Variants in XPO7 observed in about 807,000 individuals in gnomAD.
XPO7 encodes exportin-7.
Under a neutral mutation model 144.3 loss-of-function variants are expected in XPO7, and 21 were observed. The observed-to-expected ratio is 0.15, with a 90% CI of 0.10 to 0.21. The LOEUF is 0.21. Among genes scored for constraint, XPO7 ranks in the 10% least tolerant of loss-of-function variants. The pLI, the probability that XPO7 is intolerant of heterozygous loss-of-function variation, is 1.00. For synonymous variants in XPO7, 580 were observed against 499.6 expected (o/e 1.16, Z -2.15); for missense variants, 808 against 1,325.8 (o/e 0.61, Z 6.06).
At chr8:21,993,463 C>A (rs1350109915) in intron 19 of XPO7, among the ~76,000 whole-genome samples, 2 of 152,180 alleles carry the variant, frequency 1.3e-5, no homozygotes, top group Non-Finnish European at 2.9e-5. Flanking sequence ...AATGTACAAC[C>A]TTCTTGAGCA....
chr8:21,979,878 A>G (rs541073335), intron 8 of XPO7, among the ~76,000 whole-genome samples: 17 of 152,174 alleles, frequency 1.1e-4, no homozygotes, highest in Non-Finnish European at 2.2e-4. Flanking sequence ...GGAGTGGTCA[A>G]AGGAATTTGT....
intron 1 of XPO7, among the ~76,000 whole-genome samples, chr8:21,924,038 C>T (rs1810378670): frequency 6.6e-6 from 1 of 152,180 alleles, no homozygotes; most frequent in African/African-American, 2.4e-5. Flanking sequence ...TGCAGTCAAA[C>T]TCTCAGCTGG....
rs766700258 is a variant in XPO7 at position 21,991,865 on chromosome 8, C to T, written c.2042-3C>T. 2 of 1,607,556 alleles carry T rather than the reference C, an allele frequency of 1.2e-6. No individual in the cohort carries two copies. The highest frequency in any genetic ancestry group is 2.2e-5 in the South Asian group (2 of 89,956). On this transcript the variant is annotated splice_polypyrimidine_tract_variant and splice_region_variant and intron_variant, in intron 18 of 27. Transcript: ENST00000252512. ...GTTACACCCTGGGATGTTTCCTTTACAGGAGAGGATGAAGATCAGTATGAG... is the reference window on the plus strand; with the variant it reads ...GTTACACCCTGGGATGTTTCCTTTATAGGAGAGGATGAAGATCAGTATGAG...
At position 22,003,268 on chromosome 8, in the gene XPO7, A is replaced by G. The variant is rs1290907294; in HGVS notation, c.2993A>G (p.Gln998Arg). Residue 998 changes from glutamine (Q) to arginine (R), a missense_variant, in exon 26 of 28, where the codon CAG (glutamine) becomes CGG (arginine). Gln to Arg is a conservative substitution (Grantham distance 43). Coordinates refer to ENST00000252512, the MANE Select transcript of XPO7 (RefSeq NM_015024.5). ...ATCATCTTTGAAGACTGTAGGAACCAGTGGTCTATGTCCCGACCACTACTT... is the reference window on the plus strand; with the variant it reads ...ATCATCTTTGAAGACTGTAGGAACCGGTGGTCTATGTCCCGACCACTACTT... ...NIIIFEDCRN[Q>R]WSMSRPLLGL... 6.2e-7 allele frequency: 1 copy of G among 1,613,438 alleles called. No homozygotes were observed. The highest frequency in any genetic ancestry group is 1.7e-5 in the Admixed American group (1 of 59,936).
chr8:22,001,813 C>T lies in XPO7; in HGVS notation c.2783-299C>T, dbSNP rs937571775. Among the ~76,000 whole-genome samples the T allele has an allele frequency of 3.3e-5, 5 of 152,192 alleles. No individual in the cohort carries two copies. The East Asian group carries it at 9.6e-4, about 29-fold the overall frequency. Reference sequence around the variant, plus strand: ...AAAGTACTTAGCACAACATCTGGCACAAAAGAAGCACTTGCTGAATCAAAC... The same window carrying T: ...AAAGTACTTAGCACAACATCTGGCATAAAAGAAGCACTTGCTGAATCAAAC... On this transcript the variant is annotated intron_variant, in intron 24 of 27. Coordinates refer to ENST00000252512, the MANE Select transcript of XPO7 (RefSeq NM_015024.5).
At chr8:21,943,350 A>G (rs939332682) in intron 1 of XPO7, among the ~76,000 whole-genome samples, 1 of 152,220 alleles carries the variant, frequency 6.6e-6, no homozygotes, top group Non-Finnish European at 1.5e-5. Context: ...TGAATTAAAT[A>G]AAATATTTGG....
In XPO7 at chr8:21,919,792, A is replaced by C; in HGVS notation, c.18+4A>C. ...CAAAATGGCGGATCATGTGCAGGTG[A>C]GAGGAGCCGCGGGGGGGAGGGGGCG... On this transcript the variant is annotated splice_donor_region_variant and intron_variant, in intron 1 of 27. Coordinates refer to ENST00000252512, the MANE Select transcript of XPO7 (RefSeq NM_015024.5). The C allele has an allele frequency of 3.9e-6, 2 of 507,894 alleles. No individual in the cohort carries two copies. Among genetic ancestry groups the C allele is most frequent in the Non-Finnish European group, 2.9e-6 (1 of 340,582 alleles). 31.5% of individuals were successfully genotyped at this position (507,894 alleles called of 1,614,324 possible).
intron 18 of XPO7, among the ~76,000 whole-genome samples, chr8:21,991,324 C>T (rs1398523101): frequency 1.3e-5 from 2 of 152,190 alleles, no homozygotes; most frequent in Admixed American, 1.3e-4. Context: ...AGGGCTTTAT[C>T]ACTTTTGTAG....
intron 1 of XPO7, among the ~76,000 whole-genome samples, chr8:21,923,081 G>T (rs932021904): frequency 1.3e-5 from 2 of 152,134 alleles, no homozygotes; most frequent in African/African-American, 4.8e-5. Flanking sequence ...AAGTGCTATG[G>T]GTAGTCCATT....
chr8:21,932,206 T>G (rs978679075), intron 1 of XPO7, among the ~76,000 whole-genome samples: 2 of 152,292 alleles, frequency 1.3e-5, no homozygotes, highest in Admixed American at 6.5e-5. Context: ...CTGGTCTTCC[T>G]TATTTGCTGA....
chr8:21,993,354 A>C (rs535748289), intron 19 of XPO7, among the ~76,000 whole-genome samples: 2 of 152,280 alleles, frequency 1.3e-5, no homozygotes, highest in South Asian at 4.1e-4. Context: ...TAGACTGGAA[A>C]ACTGAGCTTG....
chr8:22,003,176 A>G, intron 25 of XPO7, 43 bp from the exon 26 acceptor site: 1 of 1,495,178 alleles, frequency 6.7e-7, no homozygotes, highest in Non-Finnish European at 9.2e-7. Context: ...CTTGGGTAGC[A>G]ATACATTAGG....
At chr8:21,994,841 C>T (rs1271810244) in intron 20 of XPO7, among the ~76,000 whole-genome samples, 2 of 152,062 alleles carry the variant, frequency 1.3e-5, no homozygotes, top group Non-Finnish European at 2.9e-5. Flanking sequence ...ATCACGAGGT[C>T]AGGAGATCGA....
chr8:21,997,281 A>T (rs935706385), intron 21 of XPO7, among the ~76,000 whole-genome samples: 9 of 152,182 alleles, frequency 5.9e-5, no homozygotes, highest in African/African-American at 2.2e-4. Flanking sequence ...ACCCTCTTTG[A>T]TGTTACAAAT....
rs140721625 is a variant in XPO7, at chr8:21,973,332, T to G, written c.493-1338T>G. 1.7e-3 allele frequency among the ~76,000 whole-genome samples: 264 copies of G among 152,358 alleles called. 1 individual carries two copies. The highest frequency in any genetic ancestry group is 5.9e-3 in the African/African-American group (245 of 41,586). ...AATAAAAAACTTCAAGATTTTACTT[T>G]TCTAAGAAAGTGATGAAATTTTGTG... On this transcript the variant is annotated intron_variant, in intron 5 of 27. Transcript: ENST00000252512.
At chr8:22,000,306 G>C (rs772555947) in intron 24 of XPO7, among the ~76,000 whole-genome samples, 1 of 152,126 alleles carries the variant, frequency 6.6e-6, no homozygotes, top group East Asian at 1.9e-4. Context: ...AAGGGGGCCC[G>C]CCTGTAAGCC....
chr8:21,974,505 T>A (rs1418194732), intron 5 of XPO7, among the ~76,000 whole-genome samples, 165 bp from the exon 6 acceptor site: 1 of 152,224 alleles, frequency 6.6e-6, no homozygotes, highest in East Asian at 1.9e-4. Flanking sequence ...TTTACTATCC[T>A]CCATCCTTTC....
intron 21 of XPO7, among the ~76,000 whole-genome samples, chr8:21,996,869 G>A (rs1245320914): frequency 6.6e-6 from 1 of 151,968 alleles, no homozygotes; most frequent in Non-Finnish European, 1.5e-5. Context: ...GTACAGTGGC[G>A]CAGTCTTGGC....
rs186543842 is a variant in XPO7, at chr8:21,986,229, C to T, written c.1577+538C>T. 6.7e-4 allele frequency among the ~76,000 whole-genome samples: 102 copies of T among 151,888 alleles called. 1 individual carries two copies. The highest frequency in any genetic ancestry group is 2.1e-3 in the East Asian group (11 of 5,166). On this transcript the variant is annotated intron_variant, in intron 13 of 27. Coordinates refer to ENST00000252512, the MANE Select transcript of XPO7 (RefSeq NM_015024.5). Reference sequence around the variant, plus strand: ...CTTAGCTCACTGCAACCTCTGCCTCCCTGTTCCAGGTTCTCCCGGGTTCAA... The same window carrying T: ...CTTAGCTCACTGCAACCTCTGCCTCTCTGTTCCAGGTTCTCCCGGGTTCAA...
Sources: allele counts gnomAD v4.1 joint callset (sites outside exome capture counted in the v4.1 genomes callset), GRCh38; gene constraint gnomAD v4.1.1; transcripts MANE v1.5; gene names NCBI Gene and HGNC (gene_info 2026-07-23, HGNC 2026-07-21).